The following WIPF3 variants were observed in gnomAD, a reference collection of about 807,000 sequenced individuals.
WIPF3 encodes WAS/WASL-interacting protein family member 3.
Under a neutral mutation model 38.9 loss-of-function variants are expected in WIPF3, and 33 were observed. The ratio of observed to expected loss-of-function variants is 0.85; its 90% CI spans 0.64 to 1.14. The LOEUF (loss-of-function observed/expected upper bound fraction) is 1.14, where lower values mean the gene tolerates loss of function less well. WIPF3 is among the 50% of genes most tolerant of loss of function. WIPF3 has a pLI of 0.00. For missense variants in WIPF3, 711 were observed against 652.5 expected (o/e 1.09, Z -0.98); for synonymous variants, 324 against 269.3 (o/e 1.20, Z -1.99).
rs531205908 is a variant in WIPF3 at position 29,873,957 on chromosome 7, C to T, written c.91-1873C>T. Among the ~76,000 whole-genome samples, 17 of 152,284 alleles carry T rather than the reference C, an allele frequency of 1.1e-4. No individual in the cohort carries two copies. The South Asian group carries it at 3.3e-3, about 30-fold the overall frequency. ...TTGTCCTTTTTTAAACAGAAAATGGCAATAGCAAGGATTGATAAATACTAT... is the reference window on the plus strand; with the variant it reads ...TTGTCCTTTTTTAAACAGAAAATGGTAATAGCAAGGATTGATAAATACTAT... On this transcript the variant is annotated intron_variant, in intron 2 of 8. Coordinates refer to ENST00000242140, the MANE Select transcript of WIPF3 (RefSeq NM_001080529.3).
intron 4 of WIPF3, among the ~76,000 whole-genome samples, chr7:29,879,627 A>G (rs1364854067): frequency 2.0e-5 from 3 of 152,224 alleles, no homozygotes. Context: ...AGCAGCTTAG[A>G]GTAGTCTTGG....
chr7:29,815,400 A>G (rs1784440608), intron 1 of WIPF3, among the ~76,000 whole-genome samples: 2 of 152,268 alleles, frequency 1.3e-5, no homozygotes, highest in South Asian at 4.1e-4. Flanking sequence ...CTGCGGACAT[A>G]GAAGGAAGGC....
rs557769067 is a variant in WIPF3 at position 29,809,240 on chromosome 7, C to T, written c.-58+2562C>T. Among the ~76,000 whole-genome samples, 51 of 152,242 alleles carry T rather than the reference C, an allele frequency of 3.3e-4. No individual in the cohort carries two copies. The South Asian group carries it at 8.7e-3, about 26-fold the overall frequency. On this transcript the variant is annotated intron_variant, in intron 1 of 8. Coordinates refer to ENST00000242140, the MANE Select transcript of WIPF3 (RefSeq NM_001080529.3). Reference sequence around the variant, plus strand: ...AAGAGGTAGAAACGTCTTTGTTTTACCACCAGTTTCAAGTTGCAGAGTTGA... The same window carrying T: ...AAGAGGTAGAAACGTCTTTGTTTTATCACCAGTTTCAAGTTGCAGAGTTGA...
rs1193624532 is a variant in WIPF3, at chr7:29,914,990, A to G, written c.*474A>G. 1 of 152,098 alleles carries G rather than the reference A, an allele frequency of 6.6e-6. No homozygotes were observed. Among genetic ancestry groups the G allele is most frequent in the Non-Finnish European group, 1.5e-5 (1 of 68,120 alleles). 9.4% of individuals were successfully genotyped at this position (152,098 alleles called of 1,614,324 possible). ...CTTATCAATGATGCAGCTCAGAGGA[A>G]GTAGCGTGTCCCCCACACCCAGACA... On this transcript the variant is annotated 3_prime_UTR_variant, in exon 9 of 9. Transcript: ENST00000242140.
chr7:29,884,406 G>A lies in WIPF3; in HGVS notation c.912G>A (p.Pro304=), dbSNP rs1464698113. 4 of 1,057,868 alleles carry A rather than the reference G, an allele frequency of 3.8e-6. No individual in the cohort carries two copies. Among genetic ancestry groups the A allele is most frequent in the African/African-American group, 2.4e-5 (1 of 40,992 alleles). The allele number at this position is 1,057,868 out of a possible 1,614,324, so 65.5% of individuals were successfully genotyped here. A position where few individuals can be genotyped will look rare whatever the true frequency, so the allele number is the denominator to read the frequency against. The change falls in exon 5 of 9, where the codon CCG becomes CCA. Residue 304 remains proline (P), a synonymous_variant. Transcript: ENST00000242140. ...PPLPPYASCS[P]RASLPAPPLP... ...TCCCCCCTTATGCTTCTTGCTCCCC[G>A]AGGGCTTCTTTGCCCGCGCCCCCTT...
chr7:29,871,760 C>T (rs992292960), intron 2 of WIPF3, among the ~76,000 whole-genome samples: 5 of 152,126 alleles, frequency 3.3e-5, no homozygotes, highest in African/African-American at 1.2e-4. Context: ...AAGGCCCCTC[C>T]GTATTTTTTT....
intron 7 of WIPF3, among the ~76,000 whole-genome samples, chr7:29,896,718 T>C (rs1484486986): frequency 6.6e-6 from 1 of 152,252 alleles, no homozygotes; most frequent in Non-Finnish European, 1.5e-5. Flanking sequence ...TAAATGTCAC[T>C]AATGGTAAAT....
In WIPF3 at chr7:29,914,416, G is replaced by A. The variant is rs553851533; in HGVS notation, c.1429-77G>A. On this transcript the variant is annotated intron_variant, in intron 8 of 8. Coordinates refer to ENST00000242140, the MANE Select transcript of WIPF3 (RefSeq NM_001080529.3). The stretch of plus-strand genomic sequence containing the variant: ...GAAGCTTCGGGGCCCAGCCTGTTTG[G>A]GGGGGTGGAGGAGGAAGGCTTTCAT... 31 of 1,209,778 alleles carry A rather than the reference G, an allele frequency of 2.6e-5. 1 individual carries two copies. The highest frequency in any genetic ancestry group is 4.2e-4 in the Middle Eastern group (2 of 4,728). The allele number at this position is 1,209,778 out of a possible 1,614,324, so 74.9% of individuals were successfully genotyped here.
intron 1 of WIPF3, among the ~76,000 whole-genome samples, chr7:29,822,023 C>T (rs1054962799): frequency 1.1e-4 from 17 of 150,792 alleles, no homozygotes; most frequent in Non-Finnish European, 2.5e-4. Flanking sequence ...AATTGTATGT[C>T]TTGTCACAGT....
chr7:29,816,111 T>C (rs1224550755), intron 1 of WIPF3, among the ~76,000 whole-genome samples: 1 of 152,250 alleles, frequency 6.6e-6, no homozygotes, highest in Non-Finnish European at 1.5e-5. Flanking sequence ...TCTTCACAGT[T>C]GTCCCAAATA....
chr7:29,897,628 T>C (rs1167182173), intron 7 of WIPF3, among the ~76,000 whole-genome samples: 1 of 152,234 alleles, frequency 6.6e-6, no homozygotes, highest in Non-Finnish European at 1.5e-5. Context: ...CCATTAGCAA[T>C]GGAAACTCTC....
chr7:29,829,966 T>C (rs1784690271), intron 1 of WIPF3, among the ~76,000 whole-genome samples: 1 of 152,204 alleles, frequency 6.6e-6, no homozygotes, highest in African/African-American at 2.4e-5. Flanking sequence ...CAAAACAACA[T>C]TTTTAAATGG....
chr7:29,898,743 C>T (rs1002099464), intron 7 of WIPF3, among the ~76,000 whole-genome samples: 19 of 152,318 alleles, frequency 1.2e-4, no homozygotes, highest in East Asian at 3.9e-4. Context: ...ACTTTTAATA[C>T]ATTGGTGTAC....
intron 7 of WIPF3, among the ~76,000 whole-genome samples, chr7:29,902,254 G>A (rs1315217859): frequency 1.0e-5 from 1 of 99,918 alleles, no homozygotes; most frequent in Non-Finnish European, 2.2e-5. Flanking sequence ...GTATATTAGT[G>A]TTTTCTTCTT....
chr7:29,809,799 G>A (rs185709378), intron 1 of WIPF3, among the ~76,000 whole-genome samples: 4 of 152,194 alleles, frequency 2.6e-5, no homozygotes, highest in South Asian at 2.1e-4. Context: ...CAGAGTAAAC[G>A]TGACAAAAAT....
At chr7:29,876,147 T>TG (rs1218496331) in intron 3 of WIPF3, among the ~76,000 whole-genome samples, 185 bp downstream of exon 3, 1 of 152,212 alleles carries the variant, frequency 6.6e-6, no homozygotes, top group Non-Finnish European at 1.5e-5. Flanking sequence ...AATCTGCAAA[T>TG]GGTTTAGAGC....
intron 8 of WIPF3, among the ~76,000 whole-genome samples, chr7:29,907,034 G>A (rs1786410977): frequency 6.6e-6 from 1 of 152,180 alleles, no homozygotes; most frequent in African/African-American, 2.4e-5. Flanking sequence ...GAGTCCTAAA[G>A]GGTCAAATGA....
intron 1 of WIPF3, 89 bp from the exon 2 acceptor site, chr7:29,834,579 G>C: frequency 8.6e-7 from 1 of 1,168,088 alleles, no homozygotes; most frequent in Admixed American, 3.8e-5. Flanking sequence ...GAATCAAGCT[G>C]ACTATAATAT....
rs148500629 is a variant in WIPF3 at position 29,914,414 on chromosome 7, T to TG, written c.1429-72dup. The TG allele has an allele frequency of 1.1e-3, 1,313 of 1,204,858 alleles. 10 individuals are homozygous for TG. The African/African-American group carries it at 0.019, about 17-fold the overall frequency. The allele number at this position is 1,204,858 out of a possible 1,614,324, so 74.6% of individuals were successfully genotyped here. A position where few individuals can be genotyped will look rare whatever the true frequency, so the allele number is the denominator to read the frequency against. On this transcript the variant is annotated intron_variant, in intron 8 of 8. Transcript: ENST00000242140. ...GAGAAGCTTCGGGGCCCAGCCTGTT[T>TG]GGGGGGGTGGAGGAGGAAGGCTTTC...
Sources: allele counts gnomAD v4.1 joint callset (sites outside exome capture counted in the v4.1 genomes callset), GRCh38; gene constraint gnomAD v4.1.1; transcripts MANE v1.5; gene names NCBI Gene and HGNC (gene_info 2026-07-23, HGNC 2026-07-21).